Variants in AK7 observed in about 807,000 individuals in gnomAD.
AK7 encodes the protein adenylate kinase 7, also known as ATP-AMP transphosphorylase 7.
A neutral mutation model predicts 96.6 loss-of-function variants in AK7; 78 were observed. That is an observed-to-expected ratio of 0.81 (90% confidence interval 0.67 to 0.97). The LOEUF is 0.97. AK7 is among the 50% of genes least tolerant of loss of function. AK7 has a pLI of 0.00. For missense variants in AK7, 855 were observed against 887.9 expected (o/e 0.96, Z 0.47); for synonymous variants, 302 against 317.2 (o/e 0.95, Z 0.51).
chr14:96,455,654 G>A (rs867521988), intron 10 of AK7, among the ~76,000 whole-genome samples: 21 of 152,182 alleles, frequency 1.4e-4, no homozygotes, highest in Non-Finnish European at 2.5e-4. Context: ...TGTGAAACTG[G>A]CAGTGTGTAA....
chr14:96,423,376 A>T (rs1432640253), intron 5 of AK7, among the ~76,000 whole-genome samples: 3 of 152,210 alleles, frequency 2.0e-5, no homozygotes, highest in African/African-American at 7.2e-5. Flanking sequence ...CTATTACTGT[A>T]GACCTGGTCT....
At position 96,483,148 on chromosome 14, in the gene AK7, G is replaced by T; in HGVS notation, c.1903G>T (p.Ala635Ser). 1 of 1,613,980 alleles carries T rather than the reference G, an allele frequency of 6.2e-7. No individual in the cohort carries two copies. Among genetic ancestry groups the T allele is most frequent in the Non-Finnish European group, 8.5e-7 (1 of 1,179,980 alleles). The change falls in exon 16 of 18, where the codon GCT becomes TCT. Residue 635 changes from alanine to serine, a missense_variant. Transcript: ENST00000267584. The part of the protein sequence containing the change: ...AAEERLAREA[A>S]EEAEREHQEA... Reference sequence around the variant, plus strand: ...GGAGGAGCGGCTGGCCAGGGAGGCTGCTGAGGAAGCAGAACGCGAGCACCA... The same window carrying T: ...GGAGGAGCGGCTGGCCAGGGAGGCTTCTGAGGAAGCAGAACGCGAGCACCA...
chr14:96,455,386 G>C (rs756603867), intron 10 of AK7, among the ~76,000 whole-genome samples: 3 of 152,092 alleles, frequency 2.0e-5, no homozygotes, highest in Non-Finnish European at 4.4e-5. Flanking sequence ...TTGTGAGGCT[G>C]AGCTGGGAGG....
chr14:96,403,564 G>A (rs191280895), intron 2 of AK7, among the ~76,000 whole-genome samples: 9 of 152,308 alleles, frequency 5.9e-5, no homozygotes, highest in Admixed American at 2.0e-4. Flanking sequence ...TAACAAGGAC[G>A]TATTAACCTT....
chr14:96,409,846 T>C (rs1185666221), intron 4 of AK7, among the ~76,000 whole-genome samples: 2 of 152,200 alleles, frequency 1.3e-5, no homozygotes, highest in African/African-American at 4.8e-5. Context: ...TCCATTTCAG[T>C]GCTGAATCAC....
At chr14:96,441,343 T>A (rs1216780861) in intron 6 of AK7, among the ~76,000 whole-genome samples, 3 of 151,906 alleles carry the variant, frequency 2.0e-5, no homozygotes, top group African/African-American at 7.2e-5. Context: ...GGGCAAATTG[T>A]GAGGAAGGTA....
intron 3 of AK7, among the ~76,000 whole-genome samples, chr14:96,407,580 C>CTT (rs11364736): frequency 3.9e-3 from 233 of 60,330 alleles, no homozygotes; most frequent in Non-Finnish European, 5.8e-3. Context: ...TCTTTCTTTT[C>CTT]TTTTTTTTTT....
intron 5 of AK7, chr14:96,421,279 C>T (rs567675452): frequency 6.1e-5 from 10 of 163,134 alleles, no homozygotes; most frequent in Admixed American, 1.3e-4. Flanking sequence ...CTGAAAAGTG[C>T]CTATTAACCT....
At chr14:96,416,925 G>T (rs567141860) in intron 4 of AK7, among the ~76,000 whole-genome samples, 1 of 152,308 alleles carries the variant, frequency 6.6e-6, no homozygotes, top group East Asian at 1.9e-4. Context: ...GAGAGAGATT[G>T]ATCTTCCTTT....
chr14:96,464,765 A>G (rs73351138), intron 12 of AK7, among the ~76,000 whole-genome samples: 1 of 151,908 alleles, frequency 6.6e-6, no homozygotes, highest in Non-Finnish European at 1.5e-5. Flanking sequence ...TGTTCTCAAA[A>G]TATCAGGACA....
chr14:96,444,855 C>T (rs1291747935), intron 7 of AK7, among the ~76,000 whole-genome samples: 7 of 152,048 alleles, frequency 4.6e-5, no homozygotes, highest in African/African-American at 1.4e-4. Context: ...GTAGCTGGGA[C>T]TACAGGCGCC....
intron 10 of AK7, among the ~76,000 whole-genome samples, chr14:96,455,816 C>T (rs949437301): frequency 6.6e-6 from 1 of 152,144 alleles, no homozygotes; most frequent in African/African-American, 2.4e-5. Flanking sequence ...AACTGTCTGA[C>T]CAGGCGGCAG....
At chr14:96,481,179 G>A (rs1184166400) in intron 15 of AK7, among the ~76,000 whole-genome samples, 3 of 152,090 alleles carry the variant, frequency 2.0e-5, no homozygotes, top group African/African-American at 7.2e-5. Context: ...TCGGGCTGAG[G>A]TGCCCCACCC....
intron 16 of AK7, among the ~76,000 whole-genome samples, chr14:96,483,643 C>T (rs1422403535): frequency 6.6e-6 from 1 of 152,028 alleles, no homozygotes; most frequent in Non-Finnish European, 1.5e-5. Context: ...CCAGGCTGAT[C>T]TCAAACTCCT....
chr14:96,483,030 A>T lies in AK7; in HGVS notation c.1785A>T (p.Arg595Ser). 1 of 1,614,224 alleles carries T rather than the reference A, an allele frequency of 6.2e-7. No homozygotes were observed. The highest frequency in any genetic ancestry group is 1.1e-5 in the South Asian group (1 of 91,088). ...DVGKLEDAQN[R>S]LAIKQLIKEI... Reference sequence around the variant, plus strand: ...GAAAACTTGAAGATGCTCAGAATAGACTTGCTATCAAACAGCTCATCAAAG... The same window carrying T: ...GAAAACTTGAAGATGCTCAGAATAGTCTTGCTATCAAACAGCTCATCAAAG... The change falls in exon 16 of 18, where the codon AGA becomes AGT. Residue 595 changes from arginine to serine, a missense_variant. Physicochemically the swap from Arg to Ser is moderately radical, Grantham distance 110. Transcript: ENST00000267584.
Position 96,451,436 on chromosome 14 carries a change from C to A in AK7, c.964C>A (p.His322Asn). The change falls in exon 10 of 18, where the codon CAT becomes AAT. Residue 322 changes from histidine to asparagine, a missense_variant. His to Asn is a moderately conservative substitution (Grantham distance 68). Transcript: ENST00000267584. ...TATCTTTCAGCAAGATTGTCTTGAC[C>A]ATTTACTGGTCAACTTAAGAATGGA... Reference protein sequence around the residue: ...TKDLTQDCLDHLLVNLRMEAL... With the variant: ...TKDLTQDCLDNLLVNLRMEAL... 1.3e-6 allele frequency: 2 copies of A among 1,577,372 alleles called. No homozygotes were observed. The highest frequency in any genetic ancestry group is 1.2e-5 in the South Asian group (1 of 84,766).
At chr14:96,452,096 GTAGA>G (rs1487723685) in intron 10 of AK7, among the ~76,000 whole-genome samples, 4 of 152,040 alleles carry the variant, frequency 2.6e-5, no homozygotes, top group Non-Finnish European at 5.9e-5. Flanking sequence ...ACTTTTCAAG[GTAGA>G]TATTCTTTTT....
intron 4 of AK7, among the ~76,000 whole-genome samples, chr14:96,419,411 C>T (rs1411140865): frequency 6.6e-6 from 1 of 152,148 alleles, no homozygotes; most frequent in Non-Finnish European, 1.5e-5. Context: ...GGGGGGATTG[C>T]TTAAAGCCAG....
intron 16 of AK7, 79 bp from the exon 17 acceptor site, chr14:96,486,819 T>C: frequency 3.8e-6 from 5 of 1,325,106 alleles, no homozygotes; most frequent in Non-Finnish European, 5.3e-6. Context: ...AGTGTCTCAA[T>C]GCACTGTAGG....
Sources: gnomAD v4.1 joint callset for allele counts (sites outside exome capture counted in the v4.1 genomes callset) on GRCh38, gnomAD v4.1.1 for gene constraint, MANE v1.5 for transcripts, NCBI Gene and HGNC (gene_info 2026-07-23, HGNC 2026-07-21) for gene names.